BCR: variants seen among roughly 807,000 people sequenced by gnomAD.
The protein encoded by BCR is BCR activator of RhoGEF and GTPase.
Under a neutral mutation model 138.6 loss-of-function variants are expected in BCR, and 58 were observed. The observed-to-expected ratio is 0.42, with a 90% CI of 0.34 to 0.52. BCR has a LOEUF of 0.52. BCR is among the 20% of genes least tolerant of loss of function. The pLI is 0.06. For missense variants in BCR, 1,599 were observed against 1,727.2 expected (o/e 0.93, Z 1.32); for synonymous variants, 786 against 730.1 (o/e 1.08, Z -1.23).
chr22:23,212,027 C>T (rs1431207761), intron 1 of BCR, among the ~76,000 whole-genome samples: 3 of 152,216 alleles, frequency 2.0e-5, no homozygotes, highest in East Asian at 1.9e-4. Flanking sequence ...GCCCTACCCT[C>T]AGCCTCCCAT....
chr22:23,199,781 C>T (rs950434418), intron 1 of BCR, among the ~76,000 whole-genome samples: 1 of 152,124 alleles, frequency 6.6e-6, no homozygotes, highest in Non-Finnish European at 1.5e-5. Flanking sequence ...GGAGGAGGGT[C>T]ACTTTATTGA....
In BCR at chr22:23,315,326, C is replaced by T. The variant is rs570666511; in HGVS notation, c.3727-107C>T. 5,743 of 984,242 alleles carry T rather than the reference C, an allele frequency of 5.8e-3. 142 individuals carry two copies. In the African/African-American group the frequency reaches 0.06, roughly 10 times the overall value. The allele number at this position is 984,242 out of a possible 1,614,324, so 61.0% of individuals were successfully genotyped here. ...AGGGGTTCATGACACCAGCAGGGGT[C>T]CCCAGCACCTGAGATGGACTTGGAG... On this transcript the variant is annotated intron_variant, in intron 22 of 22. Transcript: ENST00000305877.
intron 12 of BCR, among the ~76,000 whole-genome samples, chr22:23,289,266 C>T (rs1278860223): frequency 2.0e-5 from 3 of 152,212 alleles, no homozygotes; most frequent in African/African-American, 4.8e-5. Context: ...GCTTAGGTAG[C>T]GTGGGATGTG....
In BCR at chr22:23,261,480, C is replaced by G. The variant is rs1291879913; in HGVS notation, c.1692C>G (p.Leu564=). The change falls in exon 4 of 23, where the codon CTC becomes CTG. Residue 564 remains leucine, a synonymous_variant. Coordinates refer to ENST00000305877, the MANE Select transcript of BCR (RefSeq NM_004327.4). ...YEIHKEFYDG[L]FPRVQQWSHQ... ...TCCACAAGGAGTTCTATGATGGGCTCTTCCCCCGCGTGCAGCAGTGGAGCC... is the reference window on the plus strand; with the variant it reads ...TCCACAAGGAGTTCTATGATGGGCTGTTCCCCCGCGTGCAGCAGTGGAGCC... The G allele has an allele frequency of 6.2e-7, 1 of 1,613,692 alleles. No individual in the cohort carries two copies. Among genetic ancestry groups the G allele is most frequent in the East Asian group, 2.2e-5 (1 of 44,876 alleles).
At chr22:23,216,685 C>A (rs1207441989) in intron 1 of BCR, among the ~76,000 whole-genome samples, 1 of 152,230 alleles carries the variant, frequency 6.6e-6, no homozygotes, top group East Asian at 1.9e-4. Flanking sequence ...TCTGCTGTCA[C>A]ACAGGCTTGG....
In BCR at chr22:23,182,154, C is replaced by T. The variant is rs746120867; in HGVS notation, c.1194C>T (p.Val398=). 12 of 1,608,524 alleles carry T rather than the reference C, an allele frequency of 7.5e-6. No homozygotes were observed. The East Asian group carries it at 2.2e-4, about 30-fold the overall frequency. The change falls in exon 1 of 23, where the codon GTC becomes GTT. Residue 398 remains valine, a synonymous_variant. Transcript: ENST00000305877. ...CHKRHRHCPV[V]VSEATIVGVR... is the part of the protein sequence containing the mutation. ...AGCGGCACCGGCACTGCCCGGTTGT[C>T]GTGTCCGAGGCCACCATCGTGGGCG...
rs1039102568 is a variant in BCR, at chr22:23,181,271, G to T, written c.311G>T (p.Gly104Val). 133 of 1,285,916 alleles carry T rather than the reference G, an allele frequency of 1.0e-4. No individual in the cohort carries two copies. Among genetic ancestry groups the T allele is most frequent in the Non-Finnish European group, 1.3e-4 (128 of 1,010,258 alleles). 79.7% of individuals were successfully genotyped at this position (1,285,916 alleles called of 1,614,324 possible). ...CGCCCGCAGCCAGCGCCCGCCGACG[G>T]AGCCGACCCGCCGCCCGCCGAGGAG... Reference protein sequence around the residue: ...ASRPQPAPADGADPPPAEEPE... With the variant: ...ASRPQPAPADVADPPPAEEPE... Residue 104 changes from glycine (G) to valine (V), a missense_variant, in exon 1 of 23, where the codon GGA becomes GTA. Coordinates refer to ENST00000305877, the MANE Select transcript of BCR (RefSeq NM_004327.4).
At chr22:23,288,967 C>T (rs2073750926) in intron 12 of BCR, among the ~76,000 whole-genome samples, 1 of 152,212 alleles carries the variant, frequency 6.6e-6, no homozygotes, top group Admixed American at 6.5e-5. Flanking sequence ...TCTCGGCCCC[C>T]AATGCCACCG....
intron 4 of BCR, among the ~76,000 whole-genome samples, chr22:23,267,245 A>G (rs1213578610): frequency 6.6e-6 from 1 of 152,050 alleles, no homozygotes; most frequent in Non-Finnish European, 1.5e-5. Flanking sequence ...GAAAGAAGGA[A>G]GAGCTCTGGG....
rs766155139 is a variant in BCR, at chr22:23,315,543, G to T, written c.*21G>T. 1 of 1,607,254 alleles carries T rather than the reference G, an allele frequency of 6.2e-7. No homozygotes were observed. The highest frequency in any genetic ancestry group is 1.3e-5 in the African/African-American group (1 of 74,886). ...TCTAAAGGTCCCAGTCCATCTCCTGGAGGCGGACAGATGGCCTGGAAACCT... is the reference window on the plus strand; with the variant it reads ...TCTAAAGGTCCCAGTCCATCTCCTGTAGGCGGACAGATGGCCTGGAAACCT... On this transcript the variant is annotated 3_prime_UTR_variant, in exon 23 of 23. Coordinates refer to ENST00000305877, the MANE Select transcript of BCR (RefSeq NM_004327.4).
chr22:23,288,321 C>T (rs1024071900), intron 12 of BCR, 149 bp downstream of exon 12: 14 of 825,726 alleles, frequency 1.7e-5, no homozygotes, highest in African/African-American at 3.4e-5. Context: ...AAGAAGTTGG[C>T]GACAGCCATC....
chr22:23,218,944 A>C (rs1290127916), intron 1 of BCR, among the ~76,000 whole-genome samples: 1 of 152,126 alleles, frequency 6.6e-6, no homozygotes, highest in Non-Finnish European at 1.5e-5. Context: ...CTCAGGGAGG[A>C]AGCGGTGTTT....
chr22:23,316,007 ACT>A lies in BCR; in HGVS notation c.*486_*487del. The A allele has an allele frequency of 6.9e-5, 17 of 246,338 alleles. No individual in the cohort carries two copies. Among genetic ancestry groups the A allele is most frequent in the South Asian group, 2.5e-4 (4 of 16,064 alleles). 15.3% of individuals were successfully genotyped at this position (246,338 alleles called of 1,614,324 possible). ...GGGTGGGGCCTCTTCCATTTCCCTG[ACT>A]TAGAAACCACACTCCACTTCTAACA... is the stretch of plus-strand genomic sequence containing the variant. On this transcript the variant is annotated 3_prime_UTR_variant, in exon 23 of 23. Transcript: ENST00000305877.
chr22:23,227,346 A>G (rs879552216), intron 1 of BCR, among the ~76,000 whole-genome samples: 22 of 152,252 alleles, frequency 1.4e-4, no homozygotes, highest in Non-Finnish European at 2.5e-4. Flanking sequence ...GGCTCCAAAG[A>G]TATATCTTTT....
rs1278564233 is a variant in BCR at position 23,180,969 on chromosome 22, C to T, written c.9C>T (p.Asp3=). The change falls in exon 1 of 23, where the codon GAC becomes GAT. Residue 3 remains aspartate (D), a synonymous_variant. Transcript: ENST00000305877. MV[D]PVGFAEAWKA... ...GTAAGGCCGGCCGCGCCATGGTGGA[C>T]CCGGTGGGCTTCGCGGAGGCGTGGA... 4.3e-6 allele frequency: 6 copies of T among 1,392,518 alleles called. No homozygotes were observed. In the African/African-American group the frequency reaches 5.9e-5, roughly 14 times the overall value. 86.3% of individuals were successfully genotyped at this position (1,392,518 alleles called of 1,614,324 possible).
intron 10 of BCR, among the ~76,000 whole-genome samples, chr22:23,285,598 C>T (rs2073702597): frequency 6.6e-6 from 1 of 152,218 alleles, no homozygotes; most frequent in South Asian, 2.1e-4. Context: ...TTATGCCCAC[C>T]TGACCATTGC....
At chr22:23,275,943 C>T (rs956894241) in intron 8 of BCR, among the ~76,000 whole-genome samples, 4 of 152,166 alleles carry the variant, frequency 2.6e-5, no homozygotes, top group Non-Finnish European at 2.9e-5. Flanking sequence ...TCTCAGTGCT[C>T]GGATCATTGG....
intron 15 of BCR, among the ~76,000 whole-genome samples, chr22:23,293,762 G>A (rs552064133): frequency 1.3e-5 from 2 of 152,248 alleles, no homozygotes; most frequent in East Asian, 3.9e-4. Context: ...TGTCCATGAA[G>A]ATCTGGACTT....
chr22:23,273,658 A>C lies in BCR; in HGVS notation c.1999A>C (p.Ser667Arg). ...LHDLLKHTPA[S>R]HPDHPLLQDA... The stretch of plus-strand genomic sequence containing the variant: ...GGACTTGCTGAAGCACACTCCTGCC[A>C]GCCACCCTGACCACCCCTTGCTGCA... Residue 667 changes from serine to arginine, a missense_variant, in exon 8 of 23, where the codon AGC (serine) becomes CGC (arginine). Ser to Arg is a moderately radical substitution (Grantham distance 110). Around this residue, in one of 4 missense-constraint regions of BCR, gnomAD observed 590 missense variants for 762.4 expected, o/e 0.77. Coordinates refer to ENST00000305877, the MANE Select transcript of BCR (RefSeq NM_004327.4). 6.2e-7 allele frequency: 1 copy of C among 1,613,986 alleles called. No homozygotes were observed. The highest frequency in any genetic ancestry group is 8.5e-7 in the Non-Finnish European group (1 of 1,180,036).
Sources: allele counts gnomAD v4.1 joint callset (sites outside exome capture counted in the v4.1 genomes callset), GRCh38; gene constraint gnomAD v4.1.1; regional missense constraint gnomAD v4.1.1; transcripts MANE v1.5; gene names NCBI Gene and HGNC (gene_info 2026-07-23, HGNC 2026-07-21).